The following GRIA3 variants were observed in gnomAD, a reference collection of about 807,000 sequenced individuals.
GRIA3 encodes glutamate receptor 3.
A neutral mutation model predicts 63.0 loss-of-function variants in GRIA3; 3 were observed. The ratio of observed to expected loss-of-function variants is 0.05; its 90% CI spans 0.02 to 0.12. The LOEUF is 0.12. Ranked by LOEUF, GRIA3 falls within the 10% of genes least tolerant of loss-of-function variation. The pLI, the probability that GRIA3 is intolerant of heterozygous loss-of-function variation, is 1.00. For synonymous variants in GRIA3, 274 were observed against 257.9 expected (o/e 1.06, Z -0.60); for missense variants, 347 against 700.9 (o/e 0.50, Z 5.70).
intron 1 of GRIA3, chrX:123,184,961 T>G: frequency 2.5e-6 from 1 of 393,081 alleles, no homozygotes; most frequent in Middle Eastern, 3.9e-4. Context: ...GGGTGAAGAG[T>G]CGAGGCTTTT....
At chrX:123,423,971 G>T (rs1569434423) in intron 11 of GRIA3, among the ~76,000 whole-genome samples, 1 of 111,506 alleles carries the variant, frequency 9.0e-6, no homozygotes, top group Non-Finnish European at 1.9e-5. Flanking sequence ...TTTTCCTCTT[G>T]TTGCTAATTT....
chrX:123,202,758 C>T, intron 2 of GRIA3: 1 of 1,166,114 alleles, frequency 8.6e-7, no homozygotes, highest in Non-Finnish European at 1.1e-6. Flanking sequence ...TGGGGCCCGC[C>T]AAAACTGGGC....
At chrX:123,446,588 C>T (rs2045704189) in intron 12 of GRIA3, among the ~76,000 whole-genome samples, 1 of 112,210 alleles carries the variant, frequency 8.9e-6, no homozygotes, top group Non-Finnish European at 1.9e-5. Context: ...AAAAGTCATC[C>T]TAATGGAAAT....
chrX:123,398,413 C>G (rs1045081929), intron 6 of GRIA3, among the ~76,000 whole-genome samples: 4 of 111,560 alleles, frequency 3.6e-5, no homozygotes, highest in African/African-American at 1.3e-4. Context: ...GAGAGATTGC[C>G]TTGAGCCATT....
intron 12 of GRIA3, among the ~76,000 whole-genome samples, chrX:123,452,185 C>A (rs965103079): frequency 1.7e-4 from 19 of 111,391 alleles, no homozygotes; most frequent in African/African-American, 5.5e-4. Context: ...ATTAGAATCA[C>A]TTAGGAAGCA....
At chrX:123,366,280 G>A (rs2045209736) in intron 5 of GRIA3, among the ~76,000 whole-genome samples, 1 of 111,461 alleles carries the variant, frequency 9.0e-6, no homozygotes, top group African/African-American at 3.3e-5. Flanking sequence ...TCATGATGGA[G>A]TTGCTCTTGT....
chrX:123,421,196 T>C (rs1357139632), intron 11 of GRIA3, among the ~76,000 whole-genome samples: 1 of 111,988 alleles, frequency 8.9e-6, no homozygotes, highest in Non-Finnish European at 1.9e-5. Flanking sequence ...TTTTCCACCA[T>C]ATGGGTGATC....
chrX:123,390,591 T>C (rs1056190187), intron 5 of GRIA3, among the ~76,000 whole-genome samples: 1 of 112,166 alleles, frequency 8.9e-6, no homozygotes, highest in African/African-American at 3.2e-5. Context: ...CTTTGACTTT[T>C]GACAGTTTGA....
chrX:123,472,114 C>T (rs1375345445), intron 13 of GRIA3, among the ~76,000 whole-genome samples: 1 of 96,846 alleles, frequency 1.0e-5, no homozygotes, highest in Non-Finnish European at 2.1e-5. Context: ...GTGGTATATG[C>T]CCTGGCATGG....
At chrX:123,282,494 T>C (rs1440349104) in intron 3 of GRIA3, among the ~76,000 whole-genome samples, 1 of 112,523 alleles carries the variant, frequency 8.9e-6, no homozygotes, top group Admixed American at 9.4e-5. Flanking sequence ...ACCCTCTGCT[T>C]TAGAGTCCAG....
chrX:123,455,658 G>T (rs1429325619), intron 12 of GRIA3, among the ~76,000 whole-genome samples: 1 of 112,044 alleles, frequency 8.9e-6, no homozygotes, highest in East Asian at 2.8e-4. Flanking sequence ...ACTAATTCCA[G>T]TGCCTTAGTG....
At chrX:123,298,389 ATC>A (rs754924331) in intron 3 of GRIA3, among the ~76,000 whole-genome samples, 4 of 111,622 alleles carry the variant, frequency 3.6e-5, no homozygotes, top group African/African-American at 1.3e-4. Context: ...CCTCACCAGC[ATC>A]TGTTATTTTT....
At chrX:123,334,261 C>T (rs1316495287) in intron 4 of GRIA3, among the ~76,000 whole-genome samples, 2 of 111,428 alleles carry the variant, frequency 1.8e-5, no homozygotes, top group African/African-American at 6.5e-5. Flanking sequence ...TCACTGACAG[C>T]CTTAAATAAA....
intron 4 of GRIA3, among the ~76,000 whole-genome samples, chrX:123,333,091 C>A (rs1445842654): frequency 9.0e-6 from 1 of 111,184 alleles, no homozygotes; most frequent in Non-Finnish European, 1.9e-5. Flanking sequence ...GATGTCATTT[C>A]TTTACCAGCC....
intron 4 of GRIA3, among the ~76,000 whole-genome samples, chrX:123,330,582 G>A (rs913751383): frequency 3.6e-5 from 4 of 112,081 alleles, no homozygotes; most frequent in Non-Finnish European, 7.5e-5. Context: ...TGTGAGGAAA[G>A]GCTAAATGAG....
intron 4 of GRIA3, among the ~76,000 whole-genome samples, chrX:123,351,101 T>C (rs1038648864): frequency 8.9e-6 from 1 of 112,169 alleles, no homozygotes; most frequent in African/African-American, 3.2e-5. Context: ...GAAAGAGCTA[T>C]TATAATTACT....
intron 5 of GRIA3, among the ~76,000 whole-genome samples, chrX:123,362,378 T>G (rs564652718): frequency 3.6e-5 from 4 of 111,305 alleles, no homozygotes; most frequent in South Asian, 7.8e-4. Flanking sequence ...AAAAGGTGAC[T>G]TTGAAACCAT....
intron 10 of GRIA3, among the ~76,000 whole-genome samples, chrX:123,408,822 G>A (rs1176676720): frequency 1.8e-5 from 2 of 112,043 alleles, no homozygotes; most frequent in Non-Finnish European, 3.8e-5. Flanking sequence ...CCAACCCATC[G>A]GAGAAGACTG....
intron 5 of GRIA3, among the ~76,000 whole-genome samples, chrX:123,357,552 A>G (rs1002619876): frequency 5.5e-5 from 6 of 108,918 alleles, no homozygotes; most frequent in Admixed American, 1.0e-4. Flanking sequence ...CATCATCTCA[A>G]GAATTTATCC....
Sources: allele counts gnomAD v4.1 joint callset (sites outside exome capture counted in the v4.1 genomes callset), GRCh38; gene constraint gnomAD v4.1.1; transcripts MANE v1.5; gene names NCBI Gene and HGNC (gene_info 2026-07-23, HGNC 2026-07-21).